Variants in FRMPD4 observed in about 807,000 individuals in gnomAD.
The protein encoded by FRMPD4 is FERM and PDZ domain-containing protein 4.
In FRMPD4, 22 loss-of-function variants were observed where a neutral mutation model predicts 94.1. That is an observed-to-expected ratio of 0.23 (90% CI 0.17 to 0.33). The LOEUF is 0.33. FRMPD4 is among the 10% of genes least tolerant of loss of function. FRMPD4 has a pLI of 1.00. For synonymous variants in FRMPD4, 631 were observed against 548.6 expected (o/e 1.15, Z -2.10); for missense variants, 1,111 against 1,339.9 (o/e 0.83, Z 2.67).
intron 1 of FRMPD4, among the ~76,000 whole-genome samples, chrX:12,476,334 A>C (rs1204979397): frequency 8.9e-5 from 10 of 112,227 alleles, no homozygotes; most frequent in African/African-American, 2.9e-4. Context: ...TAAAGACTGA[A>C]ATGTTAGACC....
intron 4 of FRMPD4, among the ~76,000 whole-genome samples, chrX:12,651,865 A>C (rs759518146): frequency 3.6e-5 from 4 of 112,626 alleles, no homozygotes; most frequent in Admixed American, 9.4e-5. Flanking sequence ...AAATTGACTC[A>C]GAATATGAAC....
chrX:11,848,976 G>A (rs2053603253), intron 1 of FRMPD4, among the ~76,000 whole-genome samples: 1 of 111,323 alleles, frequency 9.0e-6, no homozygotes, highest in African/African-American at 3.3e-5. Context: ...GCAAGAAAAA[G>A]GGATAAGGTA....
chrX:12,018,201 G>C (rs1188262367), intron 3 of FRMPD4, among the ~76,000 whole-genome samples: 2 of 110,511 alleles, frequency 1.8e-5, no homozygotes, highest in Admixed American at 1.9e-4. Flanking sequence ...TAAGATAAAG[G>C]TGTTGACAAG....
chrX:11,834,277 G>A (rs1169657181), intron 1 of FRMPD4, among the ~76,000 whole-genome samples: 1 of 111,544 alleles, frequency 9.0e-6, no homozygotes, highest in Non-Finnish European at 1.9e-5. Context: ...AGTTCATTTC[G>A]GGGGGCTGAT....
intron 3 of FRMPD4, among the ~76,000 whole-genome samples, chrX:11,906,649 T>C (rs1252197531): frequency 9.0e-6 from 1 of 111,467 alleles, no homozygotes; most frequent in Non-Finnish European, 1.9e-5. Flanking sequence ...GATTTTTCTT[T>C]TTCTATGGCT....
At chrX:12,217,752 A>T (rs764904340) in intron 1 of FRMPD4, among the ~76,000 whole-genome samples, 1 of 112,164 alleles carries the variant, frequency 8.9e-6, no homozygotes, top group South Asian at 3.7e-4. Flanking sequence ...ATTCATTTAC[A>T]TGTTGTGCAT....
At chrX:12,001,643 A>C (rs1184720994) in intron 3 of FRMPD4, among the ~76,000 whole-genome samples, 3 of 111,746 alleles carry the variant, frequency 2.7e-5, no homozygotes, top group Non-Finnish European at 5.6e-5. Flanking sequence ...GGAGGGGAGA[A>C]AGTCATCCTA....
intron 3 of FRMPD4, among the ~76,000 whole-genome samples, chrX:12,065,886 C>T (rs2054916847): frequency 8.9e-6 from 1 of 111,912 alleles, no homozygotes; most frequent in South Asian, 3.8e-4. Flanking sequence ...ATATAAGTCT[C>T]ATTTATGTTG....
intron 3 of FRMPD4, among the ~76,000 whole-genome samples, chrX:12,039,174 T>C: frequency 9.2e-6 from 1 of 109,175 alleles, no homozygotes; most frequent in Middle Eastern, 4.7e-3. Flanking sequence ...GGCTATTTAT[T>C]TTTATTATTT....
chrX:11,981,260 T>C (rs909310826), intron 3 of FRMPD4, among the ~76,000 whole-genome samples: 20 of 112,129 alleles, frequency 1.8e-4, no homozygotes, highest in African/African-American at 6.5e-4. Context: ...TATTCCTGAA[T>C]TTTTTGTCTA....
At chrX:12,217,938 C>T (rs1274821313) in intron 1 of FRMPD4, among the ~76,000 whole-genome samples, 2 of 111,608 alleles carry the variant, frequency 1.8e-5, no homozygotes, top group Non-Finnish European at 3.8e-5. Flanking sequence ...TACAGTGAAT[C>T]ACATGGTGAA....
At chrX:11,848,298 T>C (rs1449469253) in intron 1 of FRMPD4, among the ~76,000 whole-genome samples, 1 of 111,346 alleles carries the variant, frequency 9.0e-6, no homozygotes, top group Non-Finnish European at 1.9e-5. Context: ...TGGCTGTTGA[T>C]GTCTCTGCTG....
chrX:12,378,449 G>T (rs2056272235), intron 1 of FRMPD4, among the ~76,000 whole-genome samples: 1 of 112,650 alleles, frequency 8.9e-6, no homozygotes, highest in African/African-American at 3.2e-5. Context: ...CAGTGAACCT[G>T]AACTTGGCCT....
intron 3 of FRMPD4, among the ~76,000 whole-genome samples, chrX:12,110,865 G>A (rs1296176068): frequency 1.8e-5 from 2 of 111,173 alleles, no homozygotes; most frequent in Middle Eastern, 9.2e-3. Context: ...ACTTACAAGG[G>A]ATGTGAAGGA....
At chrX:12,375,930 C>A (rs2056231307) in intron 1 of FRMPD4, among the ~76,000 whole-genome samples, 2 of 111,913 alleles carry the variant, frequency 1.8e-5, no homozygotes, top group African/African-American at 6.5e-5. Context: ...GTCTGAAATC[C>A]CTCTTGTGGA....
At chrX:11,884,983 T>C (rs2053838023) in intron 3 of FRMPD4, among the ~76,000 whole-genome samples, 1 of 111,467 alleles carries the variant, frequency 9.0e-6, no homozygotes, top group Non-Finnish European at 1.9e-5. Context: ...AACAGGCCCA[T>C]CGAAATGGAT....
chrX:12,558,400 A>G (rs1310502124), intron 2 of FRMPD4, among the ~76,000 whole-genome samples: 2 of 112,950 alleles, frequency 1.8e-5, no homozygotes, highest in African/African-American at 3.2e-5. Context: ...TAGATGACCA[A>G]TGTTCTTTTT....
At chrX:12,102,245 A>G (rs1422471646) in intron 3 of FRMPD4, among the ~76,000 whole-genome samples, 1 of 111,853 alleles carries the variant, frequency 8.9e-6, no homozygotes, top group Non-Finnish European at 1.9e-5. Context: ...AACACCTTTA[A>G]CGTATCAATC....
chrX:12,720,797 G>C lies in FRMPD4; in HGVS notation c.4228G>C (p.Gly1410Arg). The C allele has an allele frequency of 6.1e-6, 6 of 989,368 alleles. No individual in the cohort carries two copies. The highest frequency in any genetic ancestry group is 4.7e-5 in the Admixed American group (1 of 21,084). 81.5% of individuals were successfully genotyped at this position (989,368 alleles called of 1,213,427 possible). The change falls in exon 17 of 17, where the codon GGA (glycine) becomes CGA (arginine). Residue 1410 changes from glycine (G) to arginine (R), a missense_variant. Gly to Arg is a moderately radical substitution (Grantham distance 125). Coordinates refer to ENST00000675598, the MANE Select transcript of FRMPD4 (RefSeq NM_001368397.1). Reference protein sequence around the residue: ...ALRHSSSILSGSVDLETFRER... With the variant: ...ALRHSSSILSRSVDLETFRER... The stretch of plus-strand genomic sequence containing the variant: ...GAGACATAGCAGCAGTATCCTCTCC[G>C]GATCTGTCGATTTGGAGACCTTCCG...
Sources: allele counts gnomAD v4.1 joint callset (sites outside exome capture counted in the v4.1 genomes callset), GRCh38; gene constraint gnomAD v4.1.1; transcripts MANE v1.5; gene names NCBI Gene and HGNC (gene_info 2026-07-23, HGNC 2026-07-21).